The following TEDC1 variants were observed in gnomAD, a reference collection of about 807,000 sequenced individuals.
The protein encoded by TEDC1 is tubulin epsilon and delta complex 1.
A neutral mutation model predicts 59.9 loss-of-function variants in TEDC1; 54 were observed. The observed-to-expected ratio is 0.90, with a 90% CI of 0.72 to 1.13. TEDC1 has a LOEUF of 1.13. Among genes scored for constraint, TEDC1 ranks in the 50% most tolerant of loss-of-function variants. The probability of loss-of-function intolerance (pLI) is 0.00; values close to 1 mark genes in which losing one functional copy is unlikely to be tolerated. For synonymous variants in TEDC1, 353 were observed against 298.1 expected (o/e 1.18, Z -1.90); for missense variants, 734 against 683.4 (o/e 1.07, Z -0.83).
rs1393598065 is a variant in TEDC1 at position 105,491,325 on chromosome 14, C to T, written c.-51C>T. 16 of 1,468,828 alleles carry T rather than the reference C, an allele frequency of 1.1e-5. No homozygotes were observed. The highest frequency in any genetic ancestry group is 1.1e-5 in the Non-Finnish European group (12 of 1,114,492). The allele number at this position is 1,468,828 out of a possible 1,614,324, so 91.0% of individuals were successfully genotyped here. A position where few individuals can be genotyped will look rare whatever the true frequency, so the allele number is the denominator to read the frequency against. On this transcript the variant is annotated 5_prime_UTR_variant, in exon 1 of 9. Coordinates refer to ENST00000392523, the MANE Select transcript of TEDC1 (RefSeq NM_001367178.1). ...GGCCCGTGCGGTGATTGGACGCAGG[C>T]CCCGGGCCGCGGCGGAGGCGGGCGA...
Position 105,493,923 on chromosome 14 carries a change from G to A in TEDC1, c.674G>A (p.Gly225Glu), listed in dbSNP as rs1472814466. 2 of 1,569,354 alleles carry A rather than the reference G, an allele frequency of 1.3e-6. No homozygotes were observed. The highest frequency in any genetic ancestry group is 1.7e-6 in the Non-Finnish European group (2 of 1,160,434). Reference sequence around the variant, plus strand: ...GCAGAGATGCTCAGGGACCCAGAGGGAGGCCAGCAGGTGAGGGCGGGCAAG... The same window carrying A: ...GCAGAGATGCTCAGGGACCCAGAGGAAGGCCAGCAGGTGAGGGCGGGCAAG... ...TEAEMLRDPEGGQQVSGAGAA... is the reference protein window; with the variant it reads ...TEAEMLRDPEEGQQVSGAGAA... The change falls in exon 5 of 9, where the codon GGA (glycine) becomes GAA (glutamate). Residue 225 changes from glycine (G) to glutamate (E), a missense_variant. Coordinates refer to ENST00000392523, the MANE Select transcript of TEDC1 (RefSeq NM_001367178.1).
At position 105,492,200 on chromosome 14, in the gene TEDC1, G is replaced by C. The variant is rs587677061; in HGVS notation, c.320G>C (p.Ser107Thr). ...AQLPEDGSQG[S>T]RELLLALSWL... is the part of the protein sequence containing the mutation. ...CTACCTGAGGATGGCTCGCAGGGCAGTCGGGAGCTGCTGCTGGCTCTGTCC... is the reference window on the plus strand; with the variant it reads ...CTACCTGAGGATGGCTCGCAGGGCACTCGGGAGCTGCTGCTGGCTCTGTCC... Residue 107 changes from serine to threonine, a missense_variant, in exon 3 of 9, where the codon AGT becomes ACT. Ser to Thr is a moderately conservative substitution (Grantham distance 58, BLOSUM62 1). Coordinates refer to ENST00000392523, the MANE Select transcript of TEDC1 (RefSeq NM_001367178.1). The C allele has an allele frequency of 6.2e-7, 1 of 1,612,774 alleles. No homozygotes were observed. Among genetic ancestry groups the C allele is most frequent in the Admixed American group, 1.7e-5 (1 of 60,032 alleles).
chr14:105,492,862 T>A, intron 4 of TEDC1, 128 bp downstream of exon 4: 1 of 1,301,148 alleles, frequency 7.7e-7, no homozygotes, highest in Non-Finnish European at 1.0e-6. Context: ...CTTCCTGCCC[T>A]GGCTTACCCA....
In TEDC1 at chr14:105,491,713, C is replaced by T. The variant is rs782044152; in HGVS notation, c.226+13C>T. The T allele has an allele frequency of 6.7e-5, 103 of 1,545,264 alleles. No homozygotes were observed. In the Admixed American group the frequency reaches 1.1e-3, roughly 16 times the overall value. ...TCGCTCGCCCTGGGTAAGCCCCGCTCCTGGCCCCGCCCACCCGGTAGCACT... is the reference window on the plus strand; with the variant it reads ...TCGCTCGCCCTGGGTAAGCCCCGCTTCTGGCCCCGCCCACCCGGTAGCACT... On this transcript the variant is annotated intron_variant, in intron 2 of 8. Transcript: ENST00000392523.
intron 3 of TEDC1, 97 bp downstream of exon 3, chr14:105,492,406 TC>T: frequency 6.5e-7 from 1 of 1,536,348 alleles, no homozygotes; most frequent in Non-Finnish European, 8.8e-7. Flanking sequence ...TCTGCTTTGC[TC>T]CTCAGGGCAG....
rs782437210 is a variant in TEDC1, at chr14:105,498,807, T to C, written c.1349T>C (p.Val450Ala). 6 of 1,596,948 alleles carry C rather than the reference T, an allele frequency of 3.8e-6. No individual in the cohort carries two copies. The highest frequency in any genetic ancestry group is 1.1e-5 in the South Asian group (1 of 88,256). The change falls in exon 9 of 9, where the codon GTG becomes GCG. Residue 450 changes from valine to alanine, a missense_variant. Val to Ala is a moderately conservative substitution (Grantham distance 64, BLOSUM62 0). Coordinates refer to ENST00000392523, the MANE Select transcript of TEDC1 (RefSeq NM_001367178.1). Reference protein sequence around the residue: ...AAGDRDLRAAVVIRTLRSQEA... With the variant: ...AAGDRDLRAAAVIRTLRSQEA... ...GGGGACCGGGACCTGCGGGCAGCTG[T>C]GGTGATCAGGACGCTGAGGAGCCAG...
chr14:105,492,881 G>A (rs2084248796), intron 4 of TEDC1, 147 bp downstream of exon 4: 1 of 1,217,136 alleles, frequency 8.2e-7, no homozygotes, highest in Non-Finnish European at 1.1e-6. Context: ...CAAAGCCTGA[G>A]CCCGTGGTTC....
upstream of TEDC1, chr14:105,490,179 C>A (rs1403929416): frequency 7.9e-6 from 1 of 125,992 alleles, no homozygotes; most frequent in African/African-American, 3.9e-5. Flanking sequence ...GGCCCCGAGG[C>A]GGGGCCGGGA....
In TEDC1 at chr14:105,493,869, A is replaced by G; in HGVS notation, c.620A>G (p.Gln207Arg). The G allele has an allele frequency of 6.2e-7, 1 of 1,603,852 alleles. No individual in the cohort carries two copies. The highest frequency in any genetic ancestry group is 1.1e-5 in the South Asian group (1 of 90,922). ...TACACACGCGGCTGCCACAGCGACC[A>G]GAGCCTTAGCCATCTGTCTGTCACT... ...HLYTRGCHSD[Q>R]SLSHLSVTEA... Residue 207 changes from glutamine to arginine, a missense_variant, in exon 5 of 9, where the codon CAG becomes CGG. Transcript: ENST00000392523.
At position 105,497,985 on chromosome 14, in the gene TEDC1, C is replaced by T. The variant is rs782680984; in HGVS notation, c.1158+8C>T. ...GCGGCCTGGGAGGCCAAGGTGAGTG[C>T]CAGCCTCGCTCTGGGCACCAGCCCA... On this transcript the variant is annotated splice_region_variant and intron_variant, in intron 8 of 8. Coordinates refer to ENST00000392523, the MANE Select transcript of TEDC1 (RefSeq NM_001367178.1). The T allele has an allele frequency of 1.1e-5, 17 of 1,514,188 alleles. No individual in the cohort carries two copies. In the East Asian group the frequency reaches 3.5e-4, roughly 31 times the overall value. The allele number at this position is 1,514,188 out of a possible 1,614,324, so 93.8% of individuals were successfully genotyped here.
chr14:105,497,150 C>G (rs936215504), intron 6 of TEDC1: 1 of 637,178 alleles, frequency 1.6e-6, no homozygotes, highest in South Asian at 1.8e-5. Context: ...GCAGAAAGGA[C>G]AGGTGGGCTG....
intron 7 of TEDC1, 176 bp downstream of exon 7, chr14:105,497,619 C>T (rs1238532185): frequency 2.7e-6 from 3 of 1,104,506 alleles, no homozygotes; most frequent in African/African-American, 1.6e-5. Flanking sequence ...CACTGCTGCC[C>T]CCGCCCTCAG....
At position 105,492,747 on chromosome 14, in the gene TEDC1, C is replaced by G. The variant is rs1260722115; in HGVS notation, c.585+13C>G. On this transcript the variant is annotated intron_variant, in intron 4 of 8. Coordinates refer to ENST00000392523, the MANE Select transcript of TEDC1 (RefSeq NM_001367178.1). ...CCTCCTGAGCAAGGTAGAGCTGGCA[C>G]AGGGCTTCCACTCAGGGGCTGTGTC... The G allele has an allele frequency of 1.9e-6, 3 of 1,538,962 alleles. No individual in the cohort carries two copies. Among genetic ancestry groups the G allele is most frequent in the Non-Finnish European group, 2.6e-6 (3 of 1,146,366 alleles).
chr14:105,494,323 G>C (rs2084294230), intron 5 of TEDC1: 1 of 281,882 alleles, frequency 3.5e-6, no homozygotes, highest in Admixed American at 4.8e-5. Context: ...AGGGGTGTGG[G>C]GGGCCAGCCC....
chr14:105,496,647 C>T (rs77590874), intron 6 of TEDC1: 9 of 162,068 alleles, frequency 5.6e-5, no homozygotes, highest in East Asian at 1.9e-4. Flanking sequence ...GGAGGCCTTC[C>T]GTGTGTGGGC....
intron 3 of TEDC1, 105 bp downstream of exon 3, chr14:105,492,414 G>T: frequency 6.6e-7 from 1 of 1,523,662 alleles, no homozygotes; most frequent in Non-Finnish European, 8.8e-7. Context: ...GCTCCTCAGG[G>T]CAGTCCCATG....
chr14:105,491,799 A>G (rs1176718567), intron 2 of TEDC1, 99 bp downstream of exon 2: 4 of 1,340,288 alleles, frequency 3.0e-6, no homozygotes, highest in South Asian at 1.3e-5. Context: ...GGCAGGCTCT[A>G]GCCCCCACCC....
Position 105,492,711 on chromosome 14 carries a change from G to A in TEDC1, c.562G>A (p.Glu188Lys), listed in dbSNP as rs996992355. 2.6e-6 allele frequency: 4 copies of A among 1,543,826 alleles called. No homozygotes were observed. The highest frequency in any genetic ancestry group is 2.0e-5 in the Admixed American group (1 of 51,000). ...RWRQLVSSQQ[E>K]QCALLSKIHL... is the part of the protein sequence containing the mutation. ...GCGCCAGCTGGTGTCCAGTCAGCAG[G>A]AGCAGTGCGCCCTCCTGAGCAAGGT... The change falls in exon 4 of 9, where the codon GAG becomes AAG. Residue 188 changes from glutamate to lysine, a missense_variant. Coordinates refer to ENST00000392523, the MANE Select transcript of TEDC1 (RefSeq NM_001367178.1).
chr14:105,496,223 T>C (rs1449091402), intron 6 of TEDC1, 137 bp downstream of exon 6: 3 of 841,718 alleles, frequency 3.6e-6, no homozygotes, highest in African/African-American at 1.7e-5. Context: ...GGAACTGTGG[T>C]GATTGCCTTC....
Sources: allele counts gnomAD v4.1 joint callset, GRCh38; gene constraint gnomAD v4.1.1; transcripts MANE v1.5; gene names NCBI Gene and HGNC (gene_info 2026-07-23, HGNC 2026-07-21).